Variants in TGFBR2 observed in about 807,000 individuals in gnomAD.
The protein encoded by TGFBR2 is TGF-beta receptor type-2.
Under a neutral mutation model 49.0 loss-of-function variants are expected in TGFBR2, and 18 were observed. That is an observed-to-expected ratio of 0.37 (90% CI 0.25 to 0.54). TGFBR2 has a LOEUF of 0.54. Among genes scored for constraint, TGFBR2 ranks in the 20% least tolerant of loss-of-function variants. TGFBR2 has a pLI of 0.85. For missense variants in TGFBR2, 525 were observed against 722.6 expected (o/e 0.73, Z 3.13); for synonymous variants, 282 against 275.9 (o/e 1.02, Z -0.22).
chr3:30,646,683 C>T (rs1236869003), intron 2 of TGFBR2, among the ~76,000 whole-genome samples: 2 of 151,988 alleles, frequency 1.3e-5, no homozygotes, highest in African/African-American at 4.8e-5. Context: ...GCTGGATGAC[C>T]ATATGTCAAA....
In TGFBR2 at chr3:30,623,475, A is replaced by G. The variant is rs564604013; in HGVS notation, c.94+16498A>G. Reference sequence around the variant, plus strand: ...GCCTCGAACATTAAAAGCCCAATTTAAGACTGGAGAATTTCTTCTTTGAGG... The same window carrying G: ...GCCTCGAACATTAAAAGCCCAATTTGAGACTGGAGAATTTCTTCTTTGAGG... On this transcript the variant is annotated intron_variant, in intron 1 of 6. Coordinates refer to ENST00000295754, the MANE Select transcript of TGFBR2 (RefSeq NM_003242.6). Among the ~76,000 whole-genome samples the G allele has an allele frequency of 1.3e-4, 20 of 152,324 alleles. 1 individual carries two copies. Among genetic ancestry groups the G allele is most frequent in the African/African-American group, 4.3e-4 (18 of 41,578 alleles).
chr3:30,649,518 C>T (rs938049334), intron 2 of TGFBR2, among the ~76,000 whole-genome samples: 4 of 152,170 alleles, frequency 2.6e-5, no homozygotes, highest in African/African-American at 9.7e-5. Flanking sequence ...GTGATACTGT[C>T]AAAGTAGTTA....
intron 5 of TGFBR2, among the ~76,000 whole-genome samples, chr3:30,679,838 C>G (rs1699508651): frequency 6.6e-6 from 1 of 152,178 alleles, no homozygotes; most frequent in South Asian, 2.1e-4. Context: ...AAAATAGTAG[C>G]TATGGCCATG....
rs1699340728 is a variant in TGFBR2 at position 30,671,721 on chromosome 3, A to G, written c.538A>G (p.Ile180Val). ...CCTCCTGCCACCACTGGGAGTTGCC[A>G]TATCTGTCATCATCATCTTCTACTG... ...ISLLPPLGVA[I>V]SVIIIFYCYR... Residue 180 changes from isoleucine to valine, a missense_variant, in exon 4 of 7, where the codon ATA (isoleucine) becomes GTA (valine). Around this residue, in one of 3 missense-constraint regions of TGFBR2, gnomAD observed 376 missense variants for 478.2 expected, o/e 0.79. Transcript: ENST00000295754. 3.1e-6 allele frequency: 5 copies of G among 1,614,160 alleles called. No individual in the cohort carries two copies. Among genetic ancestry groups the G allele is most frequent in the Non-Finnish European group, 3.4e-6 (4 of 1,180,026 alleles).
intron 3 of TGFBR2, among the ~76,000 whole-genome samples, chr3:30,664,182 A>C (rs1330895509): frequency 6.6e-6 from 1 of 151,318 alleles, no homozygotes; most frequent in Non-Finnish European, 1.5e-5. Context: ...CAGGGTCTCA[A>C]TATATTGCCC....
At chr3:30,660,394 A>T (rs1026659947) in intron 3 of TGFBR2, among the ~76,000 whole-genome samples, 1 of 152,178 alleles carries the variant, frequency 6.6e-6, no homozygotes, top group Non-Finnish European at 1.5e-5. Context: ...GCAGTTTCTG[A>T]CTTAATTGGT....
chr3:30,667,100 T>C (rs945001971), intron 3 of TGFBR2, among the ~76,000 whole-genome samples: 1 of 152,224 alleles, frequency 6.6e-6, no homozygotes, highest in Non-Finnish European at 1.5e-5. Flanking sequence ...CTGTCTGATC[T>C]TTAGCTTCCC....
At chr3:30,652,720 G>A (rs1698917688) in intron 3 of TGFBR2, among the ~76,000 whole-genome samples, 1 of 152,176 alleles carries the variant, frequency 6.6e-6, no homozygotes, top group African/African-American at 2.4e-5. Context: ...ATGTTTACTA[G>A]CATTGAAGAA....
intron 3 of TGFBR2, among the ~76,000 whole-genome samples, chr3:30,658,023 T>C (rs1003728027): frequency 6.6e-6 from 1 of 152,190 alleles, no homozygotes; most frequent in African/African-American, 2.4e-5. Context: ...ACAGGCAAGA[T>C]AGTAAATATT....
At chr3:30,611,197 C>A (rs891671215) in intron 1 of TGFBR2, among the ~76,000 whole-genome samples, 2 of 152,178 alleles carry the variant, frequency 1.3e-5, no homozygotes, top group Admixed American at 6.5e-5. Flanking sequence ...GTGCCTGACA[C>A]ATCATTTAGC....
intron 5 of TGFBR2, among the ~76,000 whole-genome samples, chr3:30,675,423 G>A: frequency 6.9e-6 from 1 of 145,776 alleles, no homozygotes; most frequent in East Asian, 2.0e-4. Context: ...GTCTCGCTCT[G>A]TCACCCAGGC....
intron 5 of TGFBR2, among the ~76,000 whole-genome samples, chr3:30,681,560 G>T (rs934351851): frequency 6.6e-6 from 1 of 152,200 alleles, no homozygotes; most frequent in African/African-American, 2.4e-5. Context: ...GCGAGGGCCG[G>T]GCGGTTGCGG....
chr3:30,665,677 C>A (rs1441013233), intron 3 of TGFBR2, among the ~76,000 whole-genome samples: 1 of 152,112 alleles, frequency 6.6e-6, no homozygotes, highest in Non-Finnish European at 1.5e-5. Context: ...CTAGAGAAAC[C>A]CATCAATCTC....
At chr3:30,607,800 ATATATATATATAT>A (rs1444492787) in intron 1 of TGFBR2, among the ~76,000 whole-genome samples, 1 of 118,498 alleles carries the variant, frequency 8.4e-6, no homozygotes, top group African/African-American at 4.9e-5. Context: ...AAATAAAAAA[ATATATATATATAT>A]TATATATATA....
chr3:30,664,149 ATTTT>A (rs35145271), intron 3 of TGFBR2, among the ~76,000 whole-genome samples: 1 of 146,658 alleles, frequency 6.8e-6, no homozygotes. Flanking sequence ...CATCCAGCTA[ATTTT>A]TTTTTTTTTT....
At position 30,674,156 on chromosome 3, in the gene TGFBR2, T is replaced by C. The variant is rs1291868426; in HGVS notation, c.1306T>C (p.Leu436=). 6.8e-6 allele frequency: 11 copies of C among 1,614,070 alleles called. No individual in the cohort carries two copies. In the South Asian group the frequency reaches 1.1e-4, roughly 16 times the overall value. The change falls in exon 5 of 7, where the codon TTG becomes CTG. Residue 436 remains leucine, a synonymous_variant. Coordinates refer to ENST00000295754, the MANE Select transcript of TGFBR2 (RefSeq NM_003242.6). ...AGAAGTCCTAGAATCCAGGATGAAT[T>C]TGGAGAATGTTGAGTCCTTCAAGCA... ...APEVLESRMN[L]ENVESFKQTD... is the part of the protein sequence containing the mutation.
chr3:30,687,494 G>A (rs979223952), intron 5 of TGFBR2, among the ~76,000 whole-genome samples: 27 of 152,012 alleles, frequency 1.8e-4, no homozygotes, highest in Non-Finnish European at 4.4e-5. Context: ...AAAGTGCTGG[G>A]ATTACACACA....
chr3:30,620,906 T>C (rs1053890327), intron 1 of TGFBR2, among the ~76,000 whole-genome samples: 7 of 152,188 alleles, frequency 4.6e-5, no homozygotes, highest in Admixed American at 4.6e-4. Context: ...TGGTTGTACT[T>C]TTTGGAAAGC....
intron 1 of TGFBR2, among the ~76,000 whole-genome samples, chr3:30,631,476 A>G (rs1698435565): frequency 6.6e-6 from 1 of 152,198 alleles, no homozygotes; most frequent in Admixed American, 6.5e-5. Flanking sequence ...AAAGGCGAAG[A>G]TCAACCTTAC....
Sources: gnomAD v4.1 joint callset for allele counts (sites outside exome capture counted in the v4.1 genomes callset) on GRCh38, gnomAD v4.1.1 for gene constraint, gnomAD v4.1.1 regional missense constraint, MANE v1.5 for transcripts, NCBI Gene and HGNC (gene_info 2026-07-23, HGNC 2026-07-21) for gene names.